FHIT: variants seen among roughly 807,000 people sequenced by gnomAD.
FHIT encodes fragile histidine triad diadenosine triphosphatase, also known as bis(5'-adenosyl)-triphosphatase.
Under a neutral mutation model 17.9 loss-of-function variants are expected in FHIT, and 19 were observed. The ratio of observed to expected loss-of-function variants is 1.06; its 90% confidence interval spans 0.74 to 1.56. FHIT has a LOEUF of 1.56. Among genes scored for constraint, FHIT ranks in the 40% most tolerant of loss-of-function variants. FHIT has a pLI of 0.00. For missense variants in FHIT, 248 were observed against 189.2 expected (o/e 1.31, Z -1.82); for synonymous variants, 81 against 69.7 (o/e 1.16, Z -0.81).
intron 2 of FHIT, among the ~76,000 whole-genome samples, chr3:61,053,293 T>C (rs900350820): frequency 6.6e-6 from 1 of 152,096 alleles, no homozygotes; most frequent in South Asian, 2.1e-4. Context: ...TACATTCACA[T>C]ACATAAAAAA....
chr3:61,105,238 C>CT (rs71629118), intron 2 of FHIT, among the ~76,000 whole-genome samples: 54,290 of 150,456 alleles, frequency 0.36, 11,597 homozygotes, highest in Non-Finnish European at 0.49. Flanking sequence ...CCTTTGGATG[C>CT]TTTTTTTTTC....
intron 5 of FHIT, among the ~76,000 whole-genome samples, chr3:60,221,394 A>G (rs1703951850): frequency 6.6e-6 from 1 of 152,128 alleles, no homozygotes; most frequent in African/African-American, 2.4e-5. Flanking sequence ...TTAAGCTACT[A>G]CAAGGGTTCC....
In FHIT at chr3:60,402,381, C is replaced by T. The variant is rs931772785; in HGVS notation, c.103+134479G>A. On this transcript the variant is annotated intron_variant, in intron 5 of 9. Transcript: ENST00000492590. ...TGGTTGGATTCCACTGTGGCCCCCACTAATTTTCCCAACTTTTTGGGCCAT... is the reference window on the plus strand; with the variant it reads ...TGGTTGGATTCCACTGTGGCCCCCATTAATTTTCCCAACTTTTTGGGCCAT... 6.6e-5 allele frequency among the ~76,000 whole-genome samples: 10 copies of T among 152,322 alleles called. 1 individual carries two copies. Among genetic ancestry groups the T allele is most frequent in the Admixed American group, 4.6e-4 (7 of 15,300 alleles).
intron 4 of FHIT, among the ~76,000 whole-genome samples, chr3:60,725,741 C>T (rs745443892): frequency 5.8e-4 from 89 of 152,288 alleles, no homozygotes; most frequent in Admixed American, 1.1e-3. Context: ...ACTGGTGCTA[C>T]TGCTGCTAAT....
At chr3:60,965,991 CAG>C in intron 3 of FHIT, among the ~76,000 whole-genome samples, 1 of 152,318 alleles carries the variant, frequency 6.6e-6, no homozygotes, top group Non-Finnish European at 1.5e-5. Context: ...TTTAAGTCTG[CAG>C]AAGTTTCTGC....
chr3:59,939,838 G>A (rs533158235), intron 7 of FHIT, among the ~76,000 whole-genome samples: 1 of 152,314 alleles, frequency 6.6e-6, no homozygotes, highest in South Asian at 2.1e-4. Flanking sequence ...TAGAGGTAGG[G>A]AGTGTCACAG....
chr3:60,657,040 C>G (rs1484789764), intron 4 of FHIT, among the ~76,000 whole-genome samples: 1 of 151,800 alleles, frequency 6.6e-6, no homozygotes, highest in African/African-American at 2.4e-5. Flanking sequence ...AATTCAAACT[C>G]AAACTTAGAG....
At chr3:60,686,005 T>A (rs1414771287) in intron 4 of FHIT, among the ~76,000 whole-genome samples, 5 of 152,208 alleles carry the variant, frequency 3.3e-5, no homozygotes, top group Admixed American at 2.6e-4. Flanking sequence ...TAAGTTGGTC[T>A]GCTGGCAATA....
chr3:61,066,456 A>G (rs1302877370), intron 2 of FHIT, among the ~76,000 whole-genome samples: 1 of 152,156 alleles, frequency 6.6e-6, no homozygotes, highest in Non-Finnish European at 1.5e-5. Context: ...TCTACTAAAA[A>G]TACAAAAAAT....
intron 8 of FHIT, among the ~76,000 whole-genome samples, chr3:59,862,154 C>T (rs1341301596): frequency 6.6e-6 from 1 of 152,214 alleles, no homozygotes; most frequent in Non-Finnish European, 1.5e-5. Context: ...GTTTAATGGA[C>T]TCACAGCCCC....
intron 8 of FHIT, among the ~76,000 whole-genome samples, chr3:59,754,129 A>C (rs2106743129): frequency 6.6e-6 from 1 of 152,290 alleles, no homozygotes; most frequent in South Asian, 2.1e-4. Flanking sequence ...CATTTATTGC[A>C]GCTCAACATT....
intron 8 of FHIT, among the ~76,000 whole-genome samples, chr3:59,851,402 T>A (rs1701929393): frequency 6.6e-6 from 1 of 152,220 alleles, no homozygotes; most frequent in Non-Finnish European, 1.5e-5. Flanking sequence ...TTGTACTTGA[T>A]CCTTACAACT....
intron 3 of FHIT, among the ~76,000 whole-genome samples, chr3:60,859,675 C>G (rs1278636387): frequency 6.7e-6 from 1 of 149,278 alleles, no homozygotes; most frequent in African/African-American, 2.5e-5. Flanking sequence ...CTAAGAACCT[C>G]CTAGGAGAGC....
chr3:60,714,262 C>T lies in FHIT; in HGVS notation c.-18+107657G>A, dbSNP rs1244448044. Among the ~76,000 whole-genome samples the T allele has an allele frequency of 6.6e-5, 10 of 152,128 alleles. No homozygotes were observed. In the South Asian group the frequency reaches 1.2e-3, roughly 19 times the overall value. Reference sequence around the variant, plus strand: ...TTCATGCTAAAAACTCTCAATAAATCAGGTATTGATGGGACATATCTCAAA... The same window carrying T: ...TTCATGCTAAAAACTCTCAATAAATTAGGTATTGATGGGACATATCTCAAA... On this transcript the variant is annotated intron_variant, in intron 4 of 9. Transcript: ENST00000492590.
intron 4 of FHIT, among the ~76,000 whole-genome samples, chr3:60,799,317 G>T (rs1275703106): frequency 6.6e-6 from 1 of 152,152 alleles, no homozygotes; most frequent in African/African-American, 2.4e-5. Flanking sequence ...TGGGATCACG[G>T]GCATGTGCCA....
chr3:61,151,673 A>C (rs1398490877), intron 2 of FHIT, among the ~76,000 whole-genome samples: 3 of 150,746 alleles, frequency 2.0e-5, no homozygotes, highest in African/African-American at 7.3e-5. Context: ...TCCTGGGTTC[A>C]AGTGATTCTC....
chr3:60,022,020 A>G (rs1220529613), intron 5 of FHIT, among the ~76,000 whole-genome samples: 1 of 152,224 alleles, frequency 6.6e-6, no homozygotes, highest in Non-Finnish European at 1.5e-5. Context: ...CAAAAATAAG[A>G]AATAGTATGC....
intron 5 of FHIT, among the ~76,000 whole-genome samples, chr3:60,398,123 C>T (rs542120137): frequency 8.5e-5 from 13 of 152,094 alleles, no homozygotes; most frequent in South Asian, 2.1e-4. Flanking sequence ...GACAAGAACT[C>T]GGACCTAGCT....
chr3:59,894,593 T>C (rs1703988286), intron 8 of FHIT, among the ~76,000 whole-genome samples: 1 of 152,208 alleles, frequency 6.6e-6, no homozygotes, highest in Middle Eastern at 3.2e-3. Flanking sequence ...GTTCTTTATA[T>C]GATTGAATCA....
Sources: gnomAD v4.1 joint callset for allele counts (sites outside exome capture counted in the v4.1 genomes callset) on GRCh38, gnomAD v4.1.1 for gene constraint, MANE v1.5 for transcripts, NCBI Gene and HGNC (gene_info 2026-07-23, HGNC 2026-07-21) for gene names.